Variants in PPP2R5E observed in about 807,000 individuals in gnomAD.
PPP2R5E encodes the protein serine/threonine-protein phosphatase 2A 56 kDa regulatory subunit epsilon isoform.
PPP2R5E carries 4 observed loss-of-function variants against 65.3 expected under a neutral mutation model. The ratio of observed to expected loss-of-function variants is 0.06; its 90% CI spans 0.03 to 0.14. The LOEUF is 0.14. PPP2R5E is among the 10% of genes least tolerant of loss of function. The pLI is 1.00. For missense variants in PPP2R5E, 274 were observed against 556.1 expected (o/e 0.49, Z 5.10); for synonymous variants, 183 against 187.4 (o/e 0.98, Z 0.19).
At position 63,389,837 on chromosome 14, in the gene PPP2R5E, C is replaced by A. The variant is rs1381182057; in HGVS notation, c.955-106G>T. On this transcript the variant is annotated intron_variant, in intron 10 of 13. Transcript: ENST00000337537. ...TGGATTATTTTAAGAAAAATTTACA[C>A]ATAAAACCAAACATACATGAACCAG... 20 of 1,235,266 alleles carry A rather than the reference C, an allele frequency of 1.6e-5. 1 individual carries two copies. The highest frequency in any genetic ancestry group is 2.2e-5 in the Non-Finnish European group (20 of 919,058). The allele number at this position is 1,235,266 out of a possible 1,614,324, so 76.5% of individuals were successfully genotyped here.
chr14:63,409,494 G>A (rs1886277971), intron 5 of PPP2R5E, among the ~76,000 whole-genome samples: 1 of 152,132 alleles, frequency 6.6e-6, no homozygotes. Flanking sequence ...AGGGGGTTGT[G>A]AAAAGATGAA....
chr14:63,439,791 T>A lies in PPP2R5E; in HGVS notation c.354+13898A>T, dbSNP rs1023262973. Among the ~76,000 whole-genome samples the A allele has an allele frequency of 9.2e-5, 14 of 152,278 alleles. 1 individual carries two copies. The highest frequency in any genetic ancestry group is 7.8e-4 in the Admixed American group (12 of 15,300). ...GATGTCCATCATGGAGATGGAGGGA[T>A]GTTTGAATCATCTAATTAACTCCCC... On this transcript the variant is annotated intron_variant, in intron 3 of 13. Coordinates refer to ENST00000337537, the MANE Select transcript of PPP2R5E (RefSeq NM_006246.5).
At chr14:63,499,119 G>C (rs766567928) in intron 2 of PPP2R5E, among the ~76,000 whole-genome samples, 3 of 152,130 alleles carry the variant, frequency 2.0e-5, no homozygotes, top group Non-Finnish European at 2.9e-5. Context: ...GGACATACTG[G>C]AACACAGAAT....
intron 2 of PPP2R5E, chr14:63,508,286 AC>A (rs541232408): frequency 4.2e-5 from 36 of 861,104 alleles, no homozygotes; most frequent in East Asian, 1.2e-4. Context: ...TGCTATGGCA[AC>A]CCCCTCCCTC....
intron 2 of PPP2R5E, among the ~76,000 whole-genome samples, chr14:63,524,781 C>G (rs2139739746): frequency 6.6e-6 from 1 of 152,304 alleles, no homozygotes; most frequent in Non-Finnish European, 1.5e-5. Flanking sequence ...CCTGCCACAC[C>G]TCTCCCCATC....
chr14:63,430,960 C>A (rs1887636478), intron 3 of PPP2R5E, among the ~76,000 whole-genome samples: 1 of 152,104 alleles, frequency 6.6e-6, no homozygotes, highest in South Asian at 2.1e-4. Context: ...CCATTCAAAT[C>A]TGTTATTATA....
chr14:63,482,918 G>A (rs146773728), intron 2 of PPP2R5E, among the ~76,000 whole-genome samples: 304 of 152,206 alleles, frequency 2.0e-3, no homozygotes, highest in African/African-American at 7.0e-3. Flanking sequence ...TCTAGGTACC[G>A]ACAATACCGC....
At chr14:63,422,230 T>C in intron 3 of PPP2R5E, 136 bp from the exon 4 acceptor site, 2 of 687,788 alleles carry the variant, frequency 2.9e-6, no homozygotes, top group Non-Finnish European at 5.0e-6. Context: ...AGGACCTCTT[T>C]CTATAGGCTC....
intron 2 of PPP2R5E, among the ~76,000 whole-genome samples, chr14:63,526,224 G>A (rs1893178514): frequency 6.6e-6 from 1 of 152,150 alleles, no homozygotes; most frequent in Non-Finnish European, 1.5e-5. Context: ...AAAACCCAAA[G>A]AGAAAGTTCT....
At chr14:63,421,940 C>A in intron 4 of PPP2R5E, 53 bp downstream of exon 4, 1 of 1,373,298 alleles carries the variant, frequency 7.3e-7, no homozygotes, top group Non-Finnish European at 1.0e-6. Context: ...CCATGCTAAT[C>A]AGCTAATGAG....
At chr14:63,394,742 T>C (rs1278927690) in intron 7 of PPP2R5E, among the ~76,000 whole-genome samples, 1 of 152,200 alleles carries the variant, frequency 6.6e-6, no homozygotes, top group Non-Finnish European at 1.5e-5. Flanking sequence ...AGCTACATTA[T>C]CCTCCCTTGT....
intron 3 of PPP2R5E, among the ~76,000 whole-genome samples, chr14:63,443,101 C>CA (rs1888315151): frequency 6.6e-6 from 1 of 151,286 alleles, no homozygotes; most frequent in Non-Finnish European, 1.5e-5. Context: ...CCAGTTAAAT[C>CA]AAAGAATGTA....
rs1566732271 is a variant in PPP2R5E at position 63,477,875 on chromosome 14, A to AG, written c.158-23991_158-23990insC. Among the ~76,000 whole-genome samples the AG allele has an allele frequency of 1.4e-4, 21 of 151,336 alleles. No homozygotes were observed. The East Asian group carries it at 2.5e-3, about 18-fold the overall frequency. On this transcript the variant is annotated intron_variant, in intron 2 of 13. Transcript: ENST00000337537. The stretch of plus-strand genomic sequence containing the variant: ...AAAAATTTAAATATATATATATAAA[A>AG]TTTTTAAATGTATACTGAAACTACA...
intron 3 of PPP2R5E, among the ~76,000 whole-genome samples, chr14:63,447,421 A>G (rs879455339): frequency 6.6e-6 from 1 of 152,202 alleles, no homozygotes; most frequent in East Asian, 1.9e-4. Context: ...TCATAAGCCA[A>G]CCAACCTCTG....
At chr14:63,466,325 A>T (rs1192258690) in intron 2 of PPP2R5E, among the ~76,000 whole-genome samples, 1 of 151,740 alleles carries the variant, frequency 6.6e-6, no homozygotes, top group Non-Finnish European at 1.5e-5. Context: ...ATGCCAGCTT[A>T]GAGATGCTAT....
At chr14:63,413,068 C>T (rs556522976) in intron 5 of PPP2R5E, among the ~76,000 whole-genome samples, 1 of 152,282 alleles carries the variant, frequency 6.6e-6, no homozygotes, top group Admixed American at 6.5e-5. Context: ...GGCTTTTCTT[C>T]ACTGAAAAAG....
At chr14:63,442,248 C>A (rs1888273921) in intron 3 of PPP2R5E, among the ~76,000 whole-genome samples, 1 of 151,974 alleles carries the variant, frequency 6.6e-6, no homozygotes, top group African/African-American at 2.4e-5. Context: ...TAATCTAATT[C>A]TCAGGTCTTC....
intron 2 of PPP2R5E, among the ~76,000 whole-genome samples, chr14:63,517,650 A>G (rs561157892): frequency 6.6e-6 from 1 of 152,374 alleles, no homozygotes; most frequent in South Asian, 2.1e-4. Flanking sequence ...TGCAGTGCAG[A>G]TAATTCTCAA....
chr14:63,433,927 A>G lies in PPP2R5E; in HGVS notation c.355-11833T>C, dbSNP rs552252440. ...TCAGCTTTCTCTGATGGACCAAGGT[A>G]GTAACCACTGTTCATTTGCTTTCTA... On this transcript the variant is annotated intron_variant, in intron 3 of 13. Coordinates refer to ENST00000337537, the MANE Select transcript of PPP2R5E (RefSeq NM_006246.5). 3.9e-5 allele frequency among the ~76,000 whole-genome samples: 6 copies of G among 152,322 alleles called. No homozygotes were observed. The East Asian group carries it at 1.2e-3, about 29-fold the overall frequency.
Sources: gnomAD v4.1 joint callset for allele counts (sites outside exome capture counted in the v4.1 genomes callset) on GRCh38, gnomAD v4.1.1 for gene constraint, MANE v1.5 for transcripts, NCBI Gene and HGNC (gene_info 2026-07-23, HGNC 2026-07-21) for gene names.